The following IGF2BP3 variants were observed in gnomAD, a reference collection of about 807,000 sequenced individuals.
The protein encoded by IGF2BP3 is insulin-like growth factor 2 mRNA-binding protein 3.
A neutral mutation model predicts 73.8 loss-of-function variants in IGF2BP3; 9 were observed. The observed-to-expected ratio is 0.12, with a 90% CI of 0.07 to 0.21. IGF2BP3 has a LOEUF of 0.21. Ranked by LOEUF, IGF2BP3 falls within the 10% of genes least tolerant of loss-of-function variation. IGF2BP3 has a pLI of 1.00. For missense variants in IGF2BP3, 542 were observed against 714.0 expected (o/e 0.76, Z 2.75); for synonymous variants, 258 against 256.7 (o/e 1.01, Z -0.05).
chr7:23,377,630 A>G (rs1311224878), intron 3 of IGF2BP3, among the ~76,000 whole-genome samples: 1 of 152,234 alleles, frequency 6.6e-6, no homozygotes, highest in African/African-American at 2.4e-5. Context: ...CACCCAAAAG[A>G]ACTGAAAATC....
chr7:23,354,609 G>C (rs988051360), intron 5 of IGF2BP3, among the ~76,000 whole-genome samples: 12 of 152,184 alleles, frequency 7.9e-5, no homozygotes, highest in African/African-American at 2.7e-4. Context: ...CATCTAAATA[G>C]TCACATGTAT....
intron 9 of IGF2BP3, among the ~76,000 whole-genome samples, chr7:23,343,299 T>C (rs1784755333): frequency 6.6e-6 from 1 of 152,202 alleles, no homozygotes; most frequent in African/African-American, 2.4e-5. Flanking sequence ...TACAGATGAG[T>C]AAACTGAGCC....
intron 3 of IGF2BP3, among the ~76,000 whole-genome samples, chr7:23,383,579 T>C (rs1327555949): frequency 6.6e-6 from 1 of 152,168 alleles, no homozygotes; most frequent in Non-Finnish European, 1.5e-5. Flanking sequence ...TGGCAATTTC[T>C]CAAAATGTTA....
chr7:23,333,092 TA>T (rs1258900680), intron 10 of IGF2BP3, among the ~76,000 whole-genome samples: 2 of 152,112 alleles, frequency 1.3e-5, no homozygotes, highest in Non-Finnish European at 2.9e-5. Context: ...ATGCTGCTTA[TA>T]AAATACACAT....
chr7:23,431,781 G>C (rs1018647935), intron 2 of IGF2BP3, among the ~76,000 whole-genome samples: 1 of 152,070 alleles, frequency 6.6e-6, no homozygotes, highest in African/African-American at 2.4e-5. Flanking sequence ...GACTTAAATC[G>C]TAATTTCTGG....
chr7:23,407,794 A>G (rs946340548), intron 3 of IGF2BP3, among the ~76,000 whole-genome samples: 1 of 152,084 alleles, frequency 6.6e-6, no homozygotes, highest in Non-Finnish European at 1.5e-5. Context: ...TACAAAAAAC[A>G]TCAAACTACA....
intron 10 of IGF2BP3, among the ~76,000 whole-genome samples, chr7:23,329,359 G>A (rs1266508353): frequency 6.6e-6 from 1 of 152,092 alleles, no homozygotes; most frequent in African/African-American, 2.4e-5. Flanking sequence ...TACCACAGTT[G>A]ATTTACCTCA....
chr7:23,430,295 G>A lies in IGF2BP3; in HGVS notation c.237-11471C>T, dbSNP rs1029636721. On this transcript the variant is annotated intron_variant, in intron 2 of 14. Transcript: ENST00000258729. ...AGACGGGGTTTCACCATGCTGGCCA[G>A]GCTGGTCTCGAACTCCTGACCTCGT... is the stretch of plus-strand genomic sequence containing the variant. Among the ~76,000 whole-genome samples the A allele has an allele frequency of 7.9e-5, 12 of 152,276 alleles. No individual in the cohort carries two copies. In the East Asian group the frequency reaches 2.3e-3, roughly 29 times the overall value.
intron 8 of IGF2BP3, 75 bp downstream of exon 8, chr7:23,345,865 A>C: frequency 6.6e-7 from 1 of 1,514,896 alleles, no homozygotes; most frequent in Non-Finnish European, 8.9e-7. Flanking sequence ...GTAAAGTGGG[A>C]AGCTAAGCCC....
intron 2 of IGF2BP3, among the ~76,000 whole-genome samples, chr7:23,438,091 G>C (rs185145960): frequency 2.6e-5 from 4 of 152,310 alleles, no homozygotes; most frequent in Admixed American, 2.6e-4. Context: ...ATCTCCTGGA[G>C]GAAACACTAG....
chr7:23,390,349 T>C (rs1372425623), intron 3 of IGF2BP3, among the ~76,000 whole-genome samples: 6 of 152,036 alleles, frequency 3.9e-5, no homozygotes, highest in Non-Finnish European at 8.8e-5. Context: ...TATATTTAAG[T>C]CATTCTTTAA....
In IGF2BP3 at chr7:23,310,629, G is replaced by A. The variant is rs1783800992; in HGVS notation, c.*1733C>T. The stretch of plus-strand genomic sequence containing the variant: ...AAATCATGAATGCTAGGAGAATCCA[G>A]TGACAAAAAGGGCACTTTTTTGGTT... On this transcript the variant is annotated 3_prime_UTR_variant, in exon 15 of 15. Transcript: ENST00000258729. The A allele has an allele frequency of 6.6e-6, 1 of 152,186 alleles. No individual in the cohort carries two copies. The highest frequency in any genetic ancestry group is 1.5e-5 in the Non-Finnish European group (1 of 68,040). 9.4% of individuals were successfully genotyped at this position (152,186 alleles called of 1,614,324 possible). A position where few individuals can be genotyped will look rare whatever the true frequency, so the allele number is the denominator to read the frequency against.
chr7:23,435,468 C>CT (rs971768150), intron 2 of IGF2BP3, among the ~76,000 whole-genome samples: 3 of 145,938 alleles, frequency 2.1e-5, no homozygotes. Context: ...TTTTTCTTTT[C>CT]TTTGAGACGG....
At chr7:23,370,454 G>A (rs1785509716) in intron 3 of IGF2BP3, among the ~76,000 whole-genome samples, 2 of 152,212 alleles carry the variant, frequency 1.3e-5, no homozygotes, top group South Asian at 4.1e-4. Flanking sequence ...ATTATAGTCT[G>A]TGTACCAATA....
rs1783832072 is a variant in IGF2BP3 at position 23,311,613 on chromosome 7, AAATT to A, written c.*745_*748del. Reference sequence around the variant, plus strand: ...GTGTCAAAAGCCTCAAAAAACCCTGAAATTAATTTTCCAGCTTTACTGTCACCAG... The same window carrying A: ...GTGTCAAAAGCCTCAAAAAACCCTGAAATTTTCCAGCTTTACTGTCACCAG... On this transcript the variant is annotated 3_prime_UTR_variant, in exon 15 of 15. Transcript: ENST00000258729. 1 of 152,444 alleles carries A rather than the reference AAATT, an allele frequency of 6.6e-6. No homozygotes were observed. The highest frequency in any genetic ancestry group is 1.5e-5 in the Non-Finnish European group (1 of 68,038). 9.4% of individuals were successfully genotyped at this position (152,444 alleles called of 1,614,324 possible).
chr7:23,441,790 A>G (rs11982127), intron 2 of IGF2BP3, among the ~76,000 whole-genome samples: 21,458 of 152,078 alleles, frequency 0.14, 1,691 homozygotes, highest in African/African-American at 0.2. Context: ...TGTATCATTC[A>G]CATAAATCTG....
intron 3 of IGF2BP3, among the ~76,000 whole-genome samples, chr7:23,400,868 T>C (rs1173346892): frequency 6.6e-6 from 1 of 152,216 alleles, no homozygotes; most frequent in Non-Finnish European, 1.5e-5. Flanking sequence ...GGCACGATCT[T>C]GGCCCACTGC....
At chr7:23,349,337 CTCA>C (rs1332097773) in intron 6 of IGF2BP3, among the ~76,000 whole-genome samples, 6 of 151,956 alleles carry the variant, frequency 3.9e-5, no homozygotes, top group Non-Finnish European at 5.9e-5. Flanking sequence ...GAAGATTTAC[CTCA>C]AGAGTAAAAG....
At chr7:23,431,876 GGTA>G (rs1787689997) in intron 2 of IGF2BP3, among the ~76,000 whole-genome samples, 1 of 152,054 alleles carries the variant, frequency 6.6e-6, no homozygotes, top group Non-Finnish European at 1.5e-5. Context: ...TGGCCACTGT[GGTA>G]TAGTTAACAG....
Sources: allele counts gnomAD v4.1 joint callset (sites outside exome capture counted in the v4.1 genomes callset), GRCh38; gene constraint gnomAD v4.1.1; transcripts MANE v1.5; gene names NCBI Gene and HGNC (gene_info 2026-07-23, HGNC 2026-07-21).